The following YES1 variants were observed in gnomAD, a reference collection of about 807,000 sequenced individuals.
YES1 encodes YES proto-oncogene 1, Src family tyrosine kinase, also known as tyrosine-protein kinase Yes.
YES1 carries 39 observed loss-of-function variants against 70.4 expected under a neutral mutation model. The observed-to-expected ratio is 0.55, with a 90% confidence interval of 0.43 to 0.72. The LOEUF is 0.72. YES1 is among the 30% of genes least tolerant of loss of function. The pLI, the probability that YES1 is intolerant of heterozygous loss-of-function variation, is 0.00. For missense variants in YES1, 495 were observed against 644.8 expected (o/e 0.77, Z 2.52); for synonymous variants, 198 against 218.6 (o/e 0.91, Z 0.83).
intron 11 of YES1, among the ~76,000 whole-genome samples, chr18:729,078 A>T (rs2145667504): frequency 6.6e-6 from 1 of 152,252 alleles, no homozygotes. Context: ...TCCACAAATT[A>T]GACCTTTTCA....
chr18:764,348 A>G (rs1904760286), intron 1 of YES1, among the ~76,000 whole-genome samples: 1 of 151,874 alleles, frequency 6.6e-6, no homozygotes, highest in Non-Finnish European at 1.5e-5. Context: ...TCAGCCTCCC[A>G]AGTAGCTGGG....
rs2079981432 is a variant in YES1 at position 723,312 on chromosome 18, G to A, written c.*1112C>T. The A allele has an allele frequency of 2.0e-5, 3 of 152,614 alleles. No individual in the cohort carries two copies. Among genetic ancestry groups the A allele is most frequent in the African/African-American group, 7.2e-5 (3 of 41,442 alleles). The allele number at this position is 152,614 out of a possible 1,614,324, so 9.5% of individuals were successfully genotyped here. A position where few individuals can be genotyped will look rare whatever the true frequency, so the allele number is the denominator to read the frequency against. On this transcript the variant is annotated 3_prime_UTR_variant, in exon 12 of 12. Coordinates refer to ENST00000314574, the MANE Select transcript of YES1 (RefSeq NM_005433.4). ...AGAATATAGCTAAGTGAGGAGCTCT[G>A]AGTGCCAGCAAAGCCATTCTGTCAC...
At chr18:781,280 A>AAAAAT (rs1011611500) in intron 1 of YES1, among the ~76,000 whole-genome samples, 5 of 151,722 alleles carry the variant, frequency 3.3e-5, no homozygotes, top group Non-Finnish European at 7.4e-5. Context: ...AAAAAAAAAA[A>AAAAAT]AAAAAATAAG....
At chr18:742,059 C>T (rs1390346180) in intron 8 of YES1, among the ~76,000 whole-genome samples, 2 of 152,130 alleles carry the variant, frequency 1.3e-5, no homozygotes, top group Non-Finnish European at 2.9e-5. Flanking sequence ...GACCAAGACA[C>T]ACCACTGGAG....
chr18:809,105 T>C (rs1462228840), intron 1 of YES1, among the ~76,000 whole-genome samples: 2 of 152,232 alleles, frequency 1.3e-5, no homozygotes, highest in Non-Finnish European at 2.9e-5. Flanking sequence ...GACAGAACAG[T>C]ATCCATTCGT....
At chr18:789,980 C>A (rs1452500905) in intron 1 of YES1, among the ~76,000 whole-genome samples, 1 of 152,032 alleles carries the variant, frequency 6.6e-6, no homozygotes, top group Non-Finnish European at 1.5e-5. Context: ...ACTGCTTGAA[C>A]CAGGGAGGTT....
intron 1 of YES1, among the ~76,000 whole-genome samples, 163 bp downstream of exon 1, chr18:811,951 G>A (rs1355739338): frequency 6.6e-6 from 1 of 152,190 alleles, no homozygotes; most frequent in Admixed American, 6.5e-5. Context: ...AGCCCGCCGG[G>A]CGATCCGGGG....
chr18:734,412 A>G (rs1389131825), intron 10 of YES1, among the ~76,000 whole-genome samples: 3 of 151,422 alleles, frequency 2.0e-5, no homozygotes, highest in Non-Finnish European at 4.4e-5. Context: ...AAAAAAAATT[A>G]GCCGAGCTTG....
Position 734,119 on chromosome 18 carries a change from A to C in YES1, c.1292-1154T>G, listed in dbSNP as rs188053887. Among the ~76,000 whole-genome samples the C allele has an allele frequency of 3.5e-3, 538 of 151,930 alleles. 4 individuals are homozygous for C. The highest frequency in any genetic ancestry group is 0.012 in the African/African-American group (508 of 41,418). On this transcript the variant is annotated intron_variant, in intron 10 of 11. Transcript: ENST00000314574. ...CACGGTGAAACCCTGTCTGTACCAAAAATACAAAACTTAGCCAGGTGTGGT... is the reference window on the plus strand; with the variant it reads ...CACGGTGAAACCCTGTCTGTACCAACAATACAAAACTTAGCCAGGTGTGGT...
chr18:790,307 C>T (rs1421291302), intron 1 of YES1, among the ~76,000 whole-genome samples: 1 of 152,118 alleles, frequency 6.6e-6, no homozygotes, highest in Non-Finnish European at 1.5e-5. Flanking sequence ...ACCCGAGAGG[C>T]GGAAGTTGCA....
intron 1 of YES1, among the ~76,000 whole-genome samples, chr18:807,974 T>C (rs12963050): frequency 0.35 from 52,786 of 152,042 alleles, 9,634 homozygotes; most frequent in African/African-American, 0.43. Flanking sequence ...CAAGAGAAAC[T>C]GAAGGGCATT....
rs755971181 is a variant in YES1 at position 732,848 on chromosome 18, C to T, written c.1409G>A (p.Arg470Gln). The T allele has an allele frequency of 8.7e-6, 14 of 1,614,066 alleles. No individual in the cohort carries two copies. Among genetic ancestry groups the T allele is most frequent in the African/African-American group, 8.0e-5 (6 of 74,928 alleles). Residue 470 changes from arginine to glutamine, a missense_variant, in exon 11 of 12, where the codon CGA (arginine) becomes CAA (glutamine). By Grantham distance (43) the Arg-to-Gln change is conservative. This residue lies in a region of YES1 where 385 missense variants were observed against 540.9 expected (regional missense o/e 0.71). Coordinates refer to ENST00000314574, the MANE Select transcript of YES1 (RefSeq NM_005433.4). The part of the protein sequence containing the change: ...ILQTELVTKG[R>Q]VPYPGMVNRE... ...TGCAAGCTTACCTGGATATGGCACT[C>T]GGCCCTTTGTTACTAGTTCTGTTTG... is the stretch of plus-strand genomic sequence containing the variant.
chr18:752,634 A>C (rs1019068015), intron 2 of YES1, among the ~76,000 whole-genome samples: 1 of 152,166 alleles, frequency 6.6e-6, no homozygotes, highest in Admixed American at 6.5e-5. Context: ...AAAGATAAAA[A>C]TGTCATGTTT....
At chr18:757,755 G>T (rs527381395) in intron 1 of YES1, among the ~76,000 whole-genome samples, 50 of 152,002 alleles carry the variant, frequency 3.3e-4, no homozygotes, top group African/African-American at 1.2e-3. Flanking sequence ...CCAGGAGGAA[G>T]AGGTTGCAGT....
chr18:753,589 T>C (rs1259466903), intron 2 of YES1, among the ~76,000 whole-genome samples: 1 of 152,084 alleles, frequency 6.6e-6, no homozygotes, highest in African/African-American at 2.4e-5. Context: ...GGGTTCAAGC[T>C]ATTCTCCTGC....
At chr18:744,641 C>T (rs760463202) in intron 6 of YES1, among the ~76,000 whole-genome samples, 3 of 147,568 alleles carry the variant, frequency 2.0e-5, no homozygotes, top group Non-Finnish European at 3.0e-5. Context: ...CTGTCTGTTT[C>T]GGCCTCCCAA....
intron 3 of YES1, among the ~76,000 whole-genome samples, chr18:751,392 G>A (rs899566874): frequency 2.6e-5 from 4 of 151,948 alleles, no homozygotes; most frequent in Non-Finnish European, 4.4e-5. Context: ...TAGAAAAATA[G>A]GAGCATCAAA....
At chr18:747,312 T>G (rs1199688905) in intron 4 of YES1, among the ~76,000 whole-genome samples, 2 of 151,948 alleles carry the variant, frequency 1.3e-5, no homozygotes, top group East Asian at 3.9e-4. Context: ...CTACTAAAAA[T>G]ACAAAAATTA....
At chr18:748,043 C>T in intron 3 of YES1, 25 bp from the exon 4 acceptor site, 1 of 1,603,514 alleles carries the variant, frequency 6.2e-7, no homozygotes, top group Non-Finnish European at 8.5e-7. Context: ...ACAGCAATCA[C>T]CGCAAGGTAG....
Sources: allele counts gnomAD v4.1 joint callset (sites outside exome capture counted in the v4.1 genomes callset), GRCh38; gene constraint gnomAD v4.1.1; regional missense constraint gnomAD v4.1.1; transcripts MANE v1.5; gene names NCBI Gene and HGNC (gene_info 2026-07-23, HGNC 2026-07-21).